PRSS12: variants seen among roughly 807,000 people sequenced by gnomAD.
PRSS12 encodes the protein neurotrypsin.
A neutral mutation model predicts 104.4 loss-of-function variants in PRSS12; 85 were observed. The ratio of observed to expected loss-of-function variants is 0.81; its 90% CI spans 0.68 to 0.98. The LOEUF is 0.98. Among genes scored for constraint, PRSS12 ranks in the 50% least tolerant of loss-of-function variants. The pLI is 0.00. For missense variants in PRSS12, 1,141 were observed against 1,139.2 expected (o/e 1.00, Z -0.02); for synonymous variants, 454 against 425.2 (o/e 1.07, Z -0.83).
At chr4:118,291,057 C>A (rs1277093708) in intron 11 of PRSS12, among the ~76,000 whole-genome samples, 1 of 151,558 alleles carries the variant, frequency 6.6e-6, no homozygotes, top group African/African-American at 2.4e-5. Flanking sequence ...CAGACGCCCC[C>A]CTAGATTAAT....
intron 11 of PRSS12, among the ~76,000 whole-genome samples, chr4:118,289,167 T>A (rs112478034): frequency 2.0e-5 from 3 of 152,326 alleles, no homozygotes; most frequent in African/African-American, 7.2e-5. Flanking sequence ...TCCTAGATTA[T>A]TCTGATACAA....
chr4:118,310,427 T>G (rs1054083942), intron 7 of PRSS12, among the ~76,000 whole-genome samples: 2 of 152,238 alleles, frequency 1.3e-5, no homozygotes, highest in African/African-American at 4.8e-5. Context: ...CTGAACCTAA[T>G]TTTAGCCATT....
At chr4:118,316,837 A>AAAAAAAATATATATATATATAT (rs35698159) in intron 5 of PRSS12, among the ~76,000 whole-genome samples, 3 of 99,174 alleles carry the variant, frequency 3.0e-5, no homozygotes, top group African/African-American at 6.9e-5. Flanking sequence ...AAAAAAAAAA[A>AAAAAAAATATATATATATATAT]ATATATATAT....
intron 1 of PRSS12, among the ~76,000 whole-genome samples, chr4:118,351,324 T>C (rs1289588319): frequency 2.6e-5 from 4 of 151,972 alleles, no homozygotes; most frequent in African/African-American, 7.2e-5. Flanking sequence ...TTTGAGGATA[T>C]TTTTTCTTCC....
In PRSS12 at chr4:118,316,179, T is replaced by C; in HGVS notation, c.1292+3A>G. On this transcript the variant is annotated splice_donor_region_variant and intron_variant, in intron 6 of 12. Coordinates refer to ENST00000296498, the MANE Select transcript of PRSS12 (RefSeq NM_003619.4). ...AACTGCCTTTATAATTAATGAACCT[T>C]ACTTAAATCCCAATTGTCGACAAAC... is the stretch of plus-strand genomic sequence containing the variant. 6.2e-7 allele frequency: 1 copy of C among 1,613,988 alleles called. No individual in the cohort carries two copies. Among genetic ancestry groups the C allele is most frequent in the Non-Finnish European group, 8.5e-7 (1 of 1,179,964 alleles).
At chr4:118,316,837 A>AAAAAAATATATATATATATATAT (rs35698159) in intron 5 of PRSS12, among the ~76,000 whole-genome samples, 5 of 99,192 alleles carry the variant, frequency 5.0e-5, no homozygotes, top group African/African-American at 1.4e-4. Flanking sequence ...AAAAAAAAAA[A>AAAAAAATATATATATATATATAT]ATATATATAT....
chr4:118,322,096 C>T (rs914488793), intron 4 of PRSS12, among the ~76,000 whole-genome samples: 2 of 151,926 alleles, frequency 1.3e-5, no homozygotes, highest in Non-Finnish European at 2.9e-5. Flanking sequence ...CAAAATAAAA[C>T]GTTTTGTGCA....
intron 6 of PRSS12, among the ~76,000 whole-genome samples, chr4:118,314,488 C>T (rs1475394631): frequency 6.6e-6 from 1 of 151,970 alleles, no homozygotes; most frequent in Non-Finnish European, 1.5e-5. Flanking sequence ...ACTTATAGAC[C>T]ATTTTTTCAC....
chr4:118,300,167 T>C (rs1743371934), intron 8 of PRSS12, among the ~76,000 whole-genome samples: 1 of 151,922 alleles, frequency 6.6e-6, no homozygotes, highest in African/African-American at 2.4e-5. Context: ...CATGCCACCA[T>C]GCCTGGCTAA....
At chr4:118,302,295 G>A (rs1578910179) in intron 8 of PRSS12, among the ~76,000 whole-genome samples, 1 of 152,212 alleles carries the variant, frequency 6.6e-6, no homozygotes, top group Admixed American at 6.5e-5. Flanking sequence ...AACTTTGTAT[G>A]TAGATTCATT....
chr4:118,313,518 T>C lies in PRSS12; in HGVS notation c.1293-121A>G. ...GACTTCAGAGGATAAGTATCTGTTC[T>C]TTCTCCTACCTTGGGGACGCAGTTT... is the stretch of plus-strand genomic sequence containing the variant. On this transcript the variant is annotated intron_variant, in intron 6 of 12. Coordinates refer to ENST00000296498, the MANE Select transcript of PRSS12 (RefSeq NM_003619.4). 2.8e-6 allele frequency: 3 copies of C among 1,076,066 alleles called. No individual in the cohort carries two copies. In the South Asian group the frequency reaches 4.0e-5, roughly 14 times the overall value. 66.7% of individuals were successfully genotyped at this position (1,076,066 alleles called of 1,614,324 possible).
chr4:118,283,134 G>A (rs1202101266), intron 11 of PRSS12, 23 bp from the exon 12 acceptor site: 2 of 1,612,768 alleles, frequency 1.2e-6, no homozygotes, highest in Non-Finnish European at 1.7e-6. Flanking sequence ...GAGTACTAAT[G>A]AGAGACTTGC....
intron 8 of PRSS12, among the ~76,000 whole-genome samples, chr4:118,299,755 T>TTAAATA (rs1560768300): frequency 1.8e-3 from 143 of 81,262 alleles, no homozygotes; most frequent in African/African-American, 6.5e-3. Context: ...ATAAATAAAA[T>TTAAATA]AAATAAAATT....
chr4:118,337,546 G>A (rs1252988830), intron 2 of PRSS12, among the ~76,000 whole-genome samples: 1 of 152,044 alleles, frequency 6.6e-6, no homozygotes, highest in Admixed American at 6.6e-5. Flanking sequence ...TTCCCAGGCT[G>A]ACAGCTCCTC....
At chr4:118,302,788 T>C (rs1353495433) in intron 8 of PRSS12, among the ~76,000 whole-genome samples, 1 of 137,548 alleles carries the variant, frequency 7.3e-6, no homozygotes, top group Non-Finnish European at 1.6e-5. Context: ...AAATTTCTTT[T>C]CTGTTCTCTA....
chr4:118,319,670 T>C (rs1159909091), intron 4 of PRSS12, among the ~76,000 whole-genome samples: 2 of 152,150 alleles, frequency 1.3e-5, no homozygotes, highest in Non-Finnish European at 2.9e-5. Flanking sequence ...CCAAATCTAC[T>C]TCTTTTTTAA....
Position 118,298,140 on chromosome 4 carries a change from CA to C in PRSS12, c.1837+592del, listed in dbSNP as rs889038925. Among the ~76,000 whole-genome samples, 265 of 59,520 alleles carry C rather than the reference CA, an allele frequency of 4.5e-3. 1 individual carries two copies. Among genetic ancestry groups the C allele is most frequent in the Middle Eastern group, 0.011 (1 of 94 alleles). The allele number at this position is 59,520 out of a possible 152,430, so 39.0% of individuals were successfully genotyped here. On this transcript the variant is annotated intron_variant, in intron 9 of 12. Transcript: ENST00000296498. The stretch of plus-strand genomic sequence containing the variant: ...GTGACAGAGCAAGACTCCGTCTCAA[CA>C]AAAAAAAAAAAAAAAAAAATTAAAT...
In PRSS12 at chr4:118,316,310, T is replaced by A. The variant is rs1445632452; in HGVS notation, c.1164A>T (p.Arg388Ser). 2 of 1,613,974 alleles carry A rather than the reference T, an allele frequency of 1.2e-6. No homozygotes were observed. Among genetic ancestry groups the A allele is most frequent in the Middle Eastern group, 1.6e-4 (1 of 6,062 alleles). Residue 388 changes from arginine (R) to serine (S), a missense_variant, in exon 6 of 13, where the codon AGA (arginine) becomes AGT (serine). Transcript: ENST00000296498. The part of the protein sequence containing the change: ...SCTPLTDGVI[R>S]LAGGKGSHEG... ...CATGGCTGCCTTTCCCACCTGCAAG[T>A]CTGATGACCCCATCTGTGATAAAGA...
At chr4:118,316,409 C>A (rs1165028571) in intron 5 of PRSS12, 86 bp from the exon 6 acceptor site, 2 of 1,540,800 alleles carry the variant, frequency 1.3e-6, no homozygotes, top group Non-Finnish European at 1.8e-6. Flanking sequence ...AGAAATATCA[C>A]CATATTCAGG....
Sources: gnomAD v4.1 joint callset for allele counts (sites outside exome capture counted in the v4.1 genomes callset) on GRCh38, gnomAD v4.1.1 for gene constraint, MANE v1.5 for transcripts, NCBI Gene and HGNC (gene_info 2026-07-23, HGNC 2026-07-21) for gene names.